Variants in CERS3 observed in about 807,000 individuals in gnomAD.
CERS3 encodes the protein ceramide synthase 3.
Under a neutral mutation model 50.3 loss-of-function variants are expected in CERS3, and 33 were observed. The ratio of observed to expected loss-of-function variants is 0.66; its 90% CI spans 0.50 to 0.88. CERS3 has a LOEUF of 0.88. CERS3 is among the 40% of genes least tolerant of loss of function. The pLI is 0.00. For synonymous variants in CERS3, 176 were observed against 155.2 expected (o/e 1.13, Z -0.99); for missense variants, 470 against 460.3 (o/e 1.02, Z -0.19).
chr15:100,482,441 G>C (rs12439787), intron 5 of CERS3, among the ~76,000 whole-genome samples: 18,139 of 152,058 alleles, frequency 0.12, 1,310 homozygotes, highest in Admixed American at 0.21. Flanking sequence ...GCATGGATCA[G>C]ATGAGGGTAA....
intron 1 of CERS3, among the ~76,000 whole-genome samples, chr15:100,539,744 G>A (rs911013552): frequency 2.0e-5 from 3 of 152,182 alleles, no homozygotes; most frequent in Non-Finnish European, 4.4e-5. Context: ...ATATCAGGTA[G>A]GCTTGGTCAC....
chr15:100,502,518 AAC>A (rs1453329833), intron 2 of CERS3, among the ~76,000 whole-genome samples: 1 of 152,236 alleles, frequency 6.6e-6, no homozygotes, highest in East Asian at 1.9e-4. Context: ...TTACAACTTT[AAC>A]ATGCCAAAAG....
chr15:100,499,813 G>A (rs2035943625), intron 3 of CERS3, among the ~76,000 whole-genome samples: 1 of 152,162 alleles, frequency 6.6e-6, no homozygotes, highest in Non-Finnish European at 1.5e-5. Context: ...GCCATCAGGA[G>A]TCTTTCGCTG....
rs142661208 is a variant in CERS3, at chr15:100,446,009, A to T, written c.999+9884T>A. On this transcript the variant is annotated intron_variant, in intron 11 of 11. Transcript: ENST00000679737. ...AAGCTCCCCTGCTGAGCACCTTGTG[A>T]CCCCCACTCCTGCCCACTAGAGAAC... is the stretch of plus-strand genomic sequence containing the variant. Among the ~76,000 whole-genome samples, 655 of 151,746 alleles carry T rather than the reference A, an allele frequency of 4.3e-3. 1 individual carries two copies. The highest frequency in any genetic ancestry group is 7.2e-3 in the Non-Finnish European group (488 of 67,956).
Position 100,543,502 on chromosome 15 carries a change from C to G in CERS3, c.-355+1149G>C, listed in dbSNP as rs2037252335. On this transcript the variant is annotated intron_variant, in intron 1 of 12. Transcript: ENST00000284382. ...AGAAGGCTTCCTTCCTTCCTTCCTT[C>G]CCTCCCTTCCTCTCCCTCCTTCCTT... is the stretch of plus-strand genomic sequence containing the variant. 7.5e-5 allele frequency among the ~76,000 whole-genome samples: 11 copies of G among 146,086 alleles called. 1 individual carries two copies. The South Asian group carries it at 2.3e-3, about 31-fold the overall frequency.
upstream of CERS3, among the ~76,000 whole-genome samples, chr15:100,529,658 A>T (rs537603418): frequency 1.3e-5 from 2 of 152,272 alleles, no homozygotes; most frequent in African/African-American, 4.8e-5. Context: ...TTTATTTGAG[A>T]TATTGTACCT....
chr15:100,455,816 T>C, intron 11 of CERS3, 77 bp downstream of exon 11: 1 of 910,402 alleles, frequency 1.1e-6, no homozygotes. Flanking sequence ...ATGAATTAAC[T>C]TGAACATTCA....
chr15:100,472,898 T>A lies in CERS3; in HGVS notation c.738+26A>T, dbSNP rs746808569. 7 of 1,613,582 alleles carry A rather than the reference T, an allele frequency of 4.3e-6. 1 individual carries two copies. The South Asian group carries it at 7.7e-5, about 18-fold the overall frequency. ...GGAAACCCAGGACATGGTATTGTCATTAGTTTTTTAATGGCAAACGTTTAC... is the reference window on the plus strand; with the variant it reads ...GGAAACCCAGGACATGGTATTGTCAATAGTTTTTTAATGGCAAACGTTTAC... On this transcript the variant is annotated intron_variant, in intron 9 of 11. Coordinates refer to ENST00000679737, the MANE Select transcript of CERS3 (RefSeq NM_001378789.1).
At chr15:100,415,788 C>A (rs190302858) in intron 11 of CERS3, among the ~76,000 whole-genome samples, 4 of 109,530 alleles carry the variant, frequency 3.7e-5, no homozygotes, top group African/African-American at 1.3e-4. Flanking sequence ...CAGGGCCTGT[C>A]GGGGGGCAGG....
intron 4 of CERS3, among the ~76,000 whole-genome samples, chr15:100,489,884 G>A (rs541397143): frequency 1.3e-5 from 2 of 152,152 alleles, no homozygotes; most frequent in Non-Finnish European, 2.9e-5. Context: ...CATATCTCAC[G>A]CGAGGTGGTC....
At chr15:100,428,064 A>G (rs373162940) in intron 11 of CERS3, among the ~76,000 whole-genome samples, 2 of 152,236 alleles carry the variant, frequency 1.3e-5, no homozygotes, top group East Asian at 1.9e-4. Flanking sequence ...GTTATAGTGC[A>G]GAGTGCTATC....
chr15:100,444,643 A>G (rs1055120396), intron 11 of CERS3, among the ~76,000 whole-genome samples: 5 of 152,090 alleles, frequency 3.3e-5, no homozygotes, highest in African/African-American at 4.8e-5. Flanking sequence ...CTGCTATTCT[A>G]CTGCTCCTCA....
Position 100,433,340 on chromosome 15 carries a change from C to T in CERS3, c.999+22553G>A, listed in dbSNP as rs995292633. Among the ~76,000 whole-genome samples the T allele has an allele frequency of 2.0e-5, 3 of 152,084 alleles. No homozygotes were observed. The South Asian group carries it at 6.2e-4, about 32-fold the overall frequency. On this transcript the variant is annotated intron_variant, in intron 11 of 11. Transcript: ENST00000679737. ...TGGTAGCCTGATTACAAATTCCCCC[C>T]GCCGCCCCACCATTCTCCCCAAACA...
chr15:100,418,959 A>T (rs1596623051), intron 11 of CERS3, among the ~76,000 whole-genome samples: 1 of 127,846 alleles, frequency 7.8e-6, no homozygotes, highest in Non-Finnish European at 1.8e-5. Flanking sequence ...AACAACCAGT[A>T]CCAGCCACTG....
At chr15:100,417,299 C>G (rs1034507831) in intron 11 of CERS3, among the ~76,000 whole-genome samples, 1 of 151,988 alleles carries the variant, frequency 6.6e-6, no homozygotes, top group Admixed American at 6.6e-5. Context: ...AGTTCCCTTT[C>G]CGAGTCAAAG....
intron 11 of CERS3, among the ~76,000 whole-genome samples, chr15:100,442,806 A>G (rs554078330): frequency 1.3e-5 from 2 of 152,320 alleles, no homozygotes; most frequent in East Asian, 3.9e-4. Context: ...ACCATCACGG[A>G]CGCCGAGCTG....
In CERS3 at chr15:100,543,115, T is replaced by C. The variant is rs547912144; in HGVS notation, c.-355+1536A>G. On this transcript the variant is annotated intron_variant, in intron 1 of 12. Transcript: ENST00000284382. ...TTAGTACAGGCAGGGTTTCACTATG[T>C]TGGCTAGGCTGGTCTCGAACTCCTG... Among the ~76,000 whole-genome samples, 7 of 152,270 alleles carry C rather than the reference T, an allele frequency of 4.6e-5. No homozygotes were observed. The South Asian group carries it at 1.5e-3, about 32-fold the overall frequency.
chr15:100,435,680 A>T (rs570128484), intron 11 of CERS3, among the ~76,000 whole-genome samples: 1 of 152,372 alleles, frequency 6.6e-6, no homozygotes, highest in Non-Finnish European at 1.5e-5. Flanking sequence ...ATCAGAGTGA[A>T]CAGGCCACCT....
intron 11 of CERS3, chr15:100,437,702 T>G (rs2033484411): frequency 6.6e-6 from 1 of 152,232 alleles, no homozygotes; most frequent in Non-Finnish European, 1.5e-5. Context: ...TATCATGTGC[T>G]TACTATGTGC....
Sources: allele counts gnomAD v4.1 joint callset (sites outside exome capture counted in the v4.1 genomes callset), GRCh38; gene constraint gnomAD v4.1.1; transcripts MANE v1.5; gene names NCBI Gene and HGNC (gene_info 2026-07-23, HGNC 2026-07-21).